Variants in EGFR observed in about 807,000 individuals in gnomAD.
EGFR encodes the protein epidermal growth factor receptor.
In EGFR, 58 loss-of-function variants were observed where a neutral mutation model predicts 143.0. The observed-to-expected ratio is 0.41, with a 90% confidence interval of 0.33 to 0.50. The LOEUF is 0.50. Among genes scored for constraint, EGFR ranks in the 20% least tolerant of loss-of-function variants. EGFR has a pLI of 0.39. For missense variants in EGFR, 1,307 were observed against 1,579.0 expected, an observed-to-expected ratio of 0.83 and a Z score of 2.92; for synonymous variants, 613 against 594.4, an observed-to-expected ratio of 1.03 and a Z score of -0.45.
At position 55,051,549 on chromosome 7, in the gene EGFR, C is replaced by G. The variant is rs1166872390; in HGVS notation, c.88+32184C>G. On this transcript the variant is annotated intron_variant, in intron 1 of 27. Coordinates refer to ENST00000275493, the MANE Select transcript of EGFR (RefSeq NM_005228.5). ...CCCTCCCCAGATGCTGGCACCATGC[C>G]CTGGGACTTTCCAGCCTTCAGAACC... Among the ~76,000 whole-genome samples the G allele has an allele frequency of 2.0e-5, 3 of 152,106 alleles. No individual in the cohort carries two copies. In the East Asian group the frequency reaches 5.8e-4, roughly 29 times the overall value.
chr7:55,150,341 G>A (rs545831769), intron 4 of EGFR, among the ~76,000 whole-genome samples: 19 of 152,232 alleles, frequency 1.2e-4, no homozygotes, highest in African/African-American at 2.9e-4. Context: ...CATCCCCCGC[G>A]GTCACTGTCG....
chr7:55,113,749 G>A (rs759160), intron 1 of EGFR, among the ~76,000 whole-genome samples: 111,716 of 152,182 alleles, frequency 0.73, 41,540 homozygotes, highest in East Asian at 1. Flanking sequence ...AGCTTTGACA[G>A]AGATTCCAAG....
chr7:55,054,426 G>A (rs1355187622), intron 1 of EGFR, among the ~76,000 whole-genome samples: 2 of 152,232 alleles, frequency 1.3e-5, no homozygotes, highest in African/African-American at 4.8e-5. Context: ...GTTCAGACAG[G>A]AGTGGGGTGG....
intron 1 of EGFR, among the ~76,000 whole-genome samples, chr7:55,116,536 T>TAC (rs34058394): frequency 0.55 from 82,670 of 150,118 alleles, 23,852 homozygotes; most frequent in East Asian, 0.98. Context: ...AAAAAACACA[T>TAC]ACACACACAC....
intron 1 of EGFR, among the ~76,000 whole-genome samples, chr7:55,048,432 A>T (rs766887323): frequency 8.5e-5 from 13 of 152,214 alleles, no homozygotes; most frequent in Non-Finnish European, 1.5e-4. Context: ...GACATCACTG[A>T]ACTTTACCCT....
Position 55,205,897 on chromosome 7 carries a change from T to TTA in EGFR, c.*280_*281insTA. On this transcript the variant is annotated 3_prime_UTR_variant, in exon 28 of 28. Coordinates refer to ENST00000275493, the MANE Select transcript of EGFR (RefSeq NM_005228.5). ...AATTTATCTTTCAAAGAGGTATATT[T>TTA]GAAAAAAAAAAAAAGTATATGTGAG... is the stretch of plus-strand genomic sequence containing the variant. 4.4e-6 allele frequency: 2 copies of TTA among 449,780 alleles called. No individual in the cohort carries two copies. Among genetic ancestry groups the TTA allele is most frequent in the East Asian group, 4.1e-5 (1 of 24,394 alleles). 27.9% of individuals were successfully genotyped at this position (449,780 alleles called of 1,614,324 possible). A position where few individuals can be genotyped will look rare whatever the true frequency, so the allele number is the denominator to read the frequency against.
intron 23 of EGFR, 132 bp from the exon 24 acceptor site, chr7:55,200,184 C>A: frequency 1.1e-6 from 1 of 903,002 alleles, no homozygotes; most frequent in Non-Finnish European, 1.8e-6. Flanking sequence ...AAAAGTCTAC[C>A]ACAAAGACTT....
rs562412671 is a variant in EGFR at position 55,194,649 on chromosome 7, G to A, written c.2701+1808G>A. Among the ~76,000 whole-genome samples, 5 of 152,154 alleles carry A rather than the reference G, an allele frequency of 3.3e-5. No individual in the cohort carries two copies. The East Asian group carries it at 9.7e-4, about 30-fold the overall frequency. The stretch of plus-strand genomic sequence containing the variant: ...CTCCCGTCCACCAGGTCCCCCTCCC[G>A]TCACGCTCCAGGCATAGCCTGTGTG... On this transcript the variant is annotated intron_variant, in intron 22 of 27. Coordinates refer to ENST00000275493, the MANE Select transcript of EGFR (RefSeq NM_005228.5).
chr7:55,047,127 G>T (rs914957785), intron 1 of EGFR, among the ~76,000 whole-genome samples: 5 of 152,318 alleles, frequency 3.3e-5, no homozygotes, highest in African/African-American at 1.2e-4. Flanking sequence ...CAGTCATAAA[G>T]AAGAGGAGAT....
chr7:55,160,910 G>A (rs17290026), intron 12 of EGFR, among the ~76,000 whole-genome samples: 65 of 152,296 alleles, frequency 4.3e-4, no homozygotes, highest in African/African-American at 1.4e-3. Context: ...TGATTCCTAC[G>A]CCGTAGTGCT....
Position 55,085,729 on chromosome 7 carries a change from T to G in EGFR, c.89-56557T>G, listed in dbSNP as rs567951081. ...AAAATTGCGAAGGATCAAGGCAGAG[T>G]ACAGAGCTGGTGTGTAGCGGGTACC... On this transcript the variant is annotated intron_variant, in intron 1 of 27. Transcript: ENST00000275493. Among the ~76,000 whole-genome samples the G allele has an allele frequency of 1.1e-4, 16 of 152,276 alleles. No homozygotes were observed. In the South Asian group the frequency reaches 3.1e-3, roughly 30 times the overall value.
chr7:55,076,873 A>G (rs1159677811), intron 1 of EGFR, among the ~76,000 whole-genome samples: 1 of 152,144 alleles, frequency 6.6e-6, no homozygotes, highest in Admixed American at 6.5e-5. Flanking sequence ...GTTGTCATGT[A>G]GGCTATCAAT....
Position 55,155,888 on chromosome 7 carries a change from T to G in EGFR, c.948T>G (p.Tyr316Ter). Residue 316 changes from tyrosine to a stop codon, truncating the protein, a stop_gained, in exon 8 of 28, where the codon TAT becomes TAG. Transcript: ENST00000275493. LOFTEE classifies it high-confidence loss of function. ...SCVRACGADS[Y>*]EMEEDGVRKC... ...TCCGAGCCTGTGGGGCCGACAGCTA[T>G]GAGATGGAGGAAGACGGCGTCCGCA... The G allele has an allele frequency of 6.2e-7, 1 of 1,613,944 alleles. No individual in the cohort carries two copies. The highest frequency in any genetic ancestry group is 1.1e-5 in the South Asian group (1 of 91,076).
intron 1 of EGFR, among the ~76,000 whole-genome samples, chr7:55,118,189 G>A (rs1792983287): frequency 6.6e-6 from 1 of 152,236 alleles, no homozygotes; most frequent in Middle Eastern, 3.4e-3. Flanking sequence ...ACCTCCTGTT[G>A]GAGGACACAG....
At chr7:55,120,227 C>A (rs1368147547) in intron 1 of EGFR, among the ~76,000 whole-genome samples, 1 of 152,212 alleles carries the variant, frequency 6.6e-6, no homozygotes, top group Non-Finnish European at 1.5e-5. Context: ...ACACAGCCTG[C>A]TCTCCAGTGT....
intron 1 of EGFR, among the ~76,000 whole-genome samples, chr7:55,023,650 C>CAA (rs11372886): frequency 0.18 from 16,900 of 93,540 alleles, 1,769 homozygotes; most frequent in African/African-American, 0.23. Flanking sequence ...GACTCCATCT[C>CAA]AAAAAAAAAA....
chr7:55,166,791 TTGG>T lies in EGFR; in HGVS notation c.1880+1369_1880+1371del, dbSNP rs199877889. Among the ~76,000 whole-genome samples, 101 of 112,300 alleles carry T rather than the reference TTGG, an allele frequency of 9.0e-4. 9 individuals carry two copies. The highest frequency in any genetic ancestry group is 7.7e-3 in the South Asian group (20 of 2,604). 73.7% of individuals were successfully genotyped at this position (112,300 alleles called of 152,430 possible). On this transcript the variant is annotated intron_variant, in intron 15 of 27. Transcript: ENST00000275493. The stretch of plus-strand genomic sequence containing the variant: ...GGTGAGAGTCACAATGTTGGTGGTG[TTGG>T]TGGTGGTGGTGGTGAGGAGGTGGGA...
At position 55,156,400 on chromosome 7, in the gene EGFR, G is replaced by A. The variant is rs550010179; in HGVS notation, c.1007-133G>A. 31 of 1,296,374 alleles carry A rather than the reference G, an allele frequency of 2.4e-5. No homozygotes were observed. The African/African-American group carries it at 3.5e-4, about 15-fold the overall frequency. 80.3% of individuals were successfully genotyped at this position (1,296,374 alleles called of 1,614,324 possible). ...CCCCAGCCCCTTCAGTGTTTGTTGAGTGAATGAAGGATGATGTGGCAGTGG... is the reference window on the plus strand; with the variant it reads ...CCCCAGCCCCTTCAGTGTTTGTTGAATGAATGAAGGATGATGTGGCAGTGG... On this transcript the variant is annotated intron_variant, in intron 8 of 27. Coordinates refer to ENST00000275493, the MANE Select transcript of EGFR (RefSeq NM_005228.5).
rs79158087 is a variant in EGFR at position 55,174,354 on chromosome 7, G to A, written c.2184+311G>A. ...TCTCACCGCACGGCATCAGAATGCAGCCCAGCTGAAATGGGCTCATCTTCG... is the reference window on the plus strand; with the variant it reads ...TCTCACCGCACGGCATCAGAATGCAACCCAGCTGAAATGGGCTCATCTTCG... On this transcript the variant is annotated intron_variant, in intron 18 of 27. Transcript: ENST00000275493. Among the ~76,000 whole-genome samples, 68 of 152,358 alleles carry A rather than the reference G, an allele frequency of 4.5e-4. No homozygotes were observed. In the East Asian group the frequency reaches 0.013, roughly 28 times the overall value.
Sources: gnomAD v4.1 joint callset for allele counts (sites outside exome capture counted in the v4.1 genomes callset) on GRCh38, gnomAD v4.1.1 for gene constraint, MANE v1.5 for transcripts, NCBI Gene and HGNC (gene_info 2026-07-23, HGNC 2026-07-21) for gene names.